The following SYNE2 variants were observed in gnomAD, a reference collection of about 807,000 sequenced individuals.
The protein encoded by SYNE2 is nesprin-2.
A neutral mutation model predicts 856.3 loss-of-function variants in SYNE2; 431 were observed. The ratio of observed to expected loss-of-function variants is 0.50; its 90% CI spans 0.47 to 0.55. The LOEUF is 0.55. Among genes scored for constraint, SYNE2 ranks in the 20% least tolerant of loss-of-function variants. SYNE2 has a pLI of 0.00. For synonymous variants in SYNE2, 2,923 were observed against 2,872.3 expected, an observed-to-expected ratio of 1.02 and a Z score of -0.56; for missense variants, 8,129 against 8,023.2, an observed-to-expected ratio of 1.01 and a Z score of -0.50.
chr14:63,909,639 C>T (rs1306517277), intron 2 of SYNE2, among the ~76,000 whole-genome samples: 1 of 152,062 alleles, frequency 6.6e-6, no homozygotes, highest in South Asian at 2.1e-4. Flanking sequence ...GTCAGGAGTT[C>T]GAGACCAGCC....
At chr14:64,146,873 C>A (rs2098191894) in intron 84 of SYNE2, among the ~76,000 whole-genome samples, 2 of 152,246 alleles carry the variant, frequency 1.3e-5, no homozygotes, top group African/African-American at 2.4e-5. Flanking sequence ...GACGGCCTTA[C>A]AATAGTCACT....
chr14:64,098,928 T>C, intron 63 of SYNE2, 107 bp downstream of exon 63: 1 of 1,101,024 alleles, frequency 9.1e-7, no homozygotes, highest in Non-Finnish European at 1.3e-6. Context: ...TTAAAATTAA[T>C]GTTGATATTT....
At chr14:64,209,856 G>A (rs969779119) in intron 102 of SYNE2, 86 bp from the exon 103 acceptor site, 1 of 1,576,772 alleles carries the variant, frequency 6.3e-7, no homozygotes, top group African/African-American at 1.3e-5. Context: ...TGAACCCCTG[G>A]CAGCAGGTCG....
chr14:63,872,918 A>G (rs770178930), intron 1 of SYNE2, among the ~76,000 whole-genome samples: 1 of 152,160 alleles, frequency 6.6e-6, no homozygotes, highest in Non-Finnish European at 1.5e-5. Flanking sequence ...ATTGTTTAAT[A>G]TTCCATTGTA....
chr14:64,001,361 C>T (rs1335050634), intron 28 of SYNE2, among the ~76,000 whole-genome samples: 1 of 152,122 alleles, frequency 6.6e-6, no homozygotes, highest in African/African-American at 2.4e-5. Flanking sequence ...CAACAATTTT[C>T]CATTCAGTGT....
chr14:64,021,204 T>C, intron 35 of SYNE2, 111 bp from the exon 36 acceptor site: 2 of 839,374 alleles, frequency 2.4e-6, no homozygotes, highest in Non-Finnish European at 4.0e-6. Context: ...ATGAAAAGAA[T>C]GCATTTCACA....
At chr14:64,161,862 A>T (rs1389132592) in intron 87 of SYNE2, among the ~76,000 whole-genome samples, 9 of 152,198 alleles carry the variant, frequency 5.9e-5, no homozygotes. Flanking sequence ...GTTTTTGTGC[A>T]ATATTATAAA....
At chr14:64,017,876 C>T in intron 34 of SYNE2, 120 bp downstream of exon 34, 1 of 1,022,986 alleles carries the variant, frequency 9.8e-7, no homozygotes, top group Non-Finnish European at 1.5e-6. Context: ...AAGAAAATCA[C>T]AGACATTTTT....
At chr14:63,809,376 G>T (rs11849690) in intron 1 of SYNE2, among the ~76,000 whole-genome samples, 80,094 of 152,030 alleles carry the variant, frequency 0.53, 21,988 homozygotes, top group South Asian at 0.65. Context: ...AAATGTGTAA[G>T]CTTCTGTATT....
intron 94 of SYNE2, among the ~76,000 whole-genome samples, chr14:64,174,450 C>A (rs2098424655): frequency 6.6e-6 from 1 of 152,190 alleles, no homozygotes; most frequent in South Asian, 2.1e-4. Context: ...AAAGCTGCGC[C>A]TTTGGGGCAC....
rs763059150 is a variant in SYNE2 at position 64,002,028 on chromosome 14, G to A, written c.3733G>A (p.Ala1245Thr). Reference sequence around the variant, plus strand: ...CTCGGACCTGCCTCTCCATAAAATGGCCATCCAGGGATTTCATCTCATTGA... The same window carrying A: ...CTCGGACCTGCCTCTCCATAAAATGACCATCCAGGGATTTCATCTCATTGA... ...CGSDLPLHKM[A>T]IQGFHLIDAD... Residue 1245 changes from alanine (A) to threonine (T), a missense_variant, in exon 29 of 116, where the codon GCC becomes ACC. Coordinates refer to ENST00000555002, the MANE Select transcript of SYNE2 (RefSeq NM_182914.3). 1.8e-5 allele frequency: 29 copies of A among 1,613,716 alleles called. No individual in the cohort carries two copies. Among genetic ancestry groups the A allele is most frequent in the African/African-American group, 1.3e-5 (1 of 74,894 alleles).
chr14:64,071,931 T>C (rs1205460277), intron 52 of SYNE2, among the ~76,000 whole-genome samples: 2 of 152,170 alleles, frequency 1.3e-5, no homozygotes, highest in Admixed American at 6.5e-5. Context: ...GGGAAGAGAA[T>C]CACTTGAACC....
intron 108 of SYNE2, among the ~76,000 whole-genome samples, chr14:64,216,778 G>A (rs1391254844): frequency 6.6e-6 from 1 of 152,210 alleles, no homozygotes; most frequent in Admixed American, 6.5e-5. Flanking sequence ...AGGCTGGAGT[G>A]CACTGGCACG....
chr14:64,144,129 A>G (rs999737700), intron 83 of SYNE2, among the ~76,000 whole-genome samples, 181 bp downstream of exon 83: 1 of 152,240 alleles, frequency 6.6e-6, no homozygotes, highest in Non-Finnish European at 1.5e-5. Context: ...GAGAATATAA[A>G]AATAGTTCTT....
At chr14:63,895,564 G>A (rs1272634957) in intron 1 of SYNE2, among the ~76,000 whole-genome samples, 7 of 145,404 alleles carry the variant, frequency 4.8e-5, no homozygotes, top group Non-Finnish European at 7.5e-5. Context: ...ACCAGCCTGG[G>A]CAACATGGCA....
intron 30 of SYNE2, among the ~76,000 whole-genome samples, chr14:64,004,811 C>T (rs1182433824): frequency 6.6e-6 from 1 of 152,150 alleles, no homozygotes; most frequent in Non-Finnish European, 1.5e-5. Flanking sequence ...CTTAGGGTAT[C>T]CCACCACGGC....
chr14:63,905,913 A>C (rs747092675), intron 1 of SYNE2, among the ~76,000 whole-genome samples: 1 of 152,116 alleles, frequency 6.6e-6, no homozygotes, highest in Admixed American at 6.6e-5. Flanking sequence ...TTGCCCGTTG[A>C]ATATGATGTT....
rs755430097 is a variant in SYNE2 at position 64,219,327 on chromosome 14, A to T, written c.19777A>T (p.Thr6593Ser). The change falls in exon 110 of 116, where the codon ACT becomes TCT. Residue 6593 changes from threonine to serine, a missense_variant. Thr to Ser is a moderately conservative substitution (Grantham distance 58). Around this residue, in one of 3 missense-constraint regions of SYNE2, gnomAD observed 5,410 missense variants for 5,284.8 expected, o/e 1.02. Coordinates refer to ENST00000555002, the MANE Select transcript of SYNE2 (RefSeq NM_182914.3). ...ISAITTWLKK[T>S]EAELEMLKMA... is the part of the protein sequence containing the mutation. ...CGCCATCACTACTTGGCTGAAAAAA[A>T]CTGAAGCAGAGCTGGAAATGTTAAA... 1 of 1,614,048 alleles carries T rather than the reference A, an allele frequency of 6.2e-7. No homozygotes were observed. Among genetic ancestry groups the T allele is most frequent in the African/African-American group, 1.3e-5 (1 of 74,912 alleles).
chr14:64,021,604 A>G, intron 36 of SYNE2, 89 bp downstream of exon 36: 5 of 1,468,988 alleles, frequency 3.4e-6, no homozygotes, highest in South Asian at 1.2e-5. Flanking sequence ...ATAAAAATAG[A>G]AAAAAAAAGT....
Sources: gnomAD v4.1 joint callset for allele counts (sites outside exome capture counted in the v4.1 genomes callset) on GRCh38, gnomAD v4.1.1 for gene constraint, gnomAD v4.1.1 regional missense constraint, MANE v1.5 for transcripts, NCBI Gene and HGNC (gene_info 2026-07-23, HGNC 2026-07-21) for gene names.